The following ATPAF1 variants were observed in gnomAD, a reference collection of about 807,000 sequenced individuals.
ATPAF1 encodes homolog of yeast ATP11.
A neutral mutation model predicts 43.9 loss-of-function variants in ATPAF1; 26 were observed. The ratio of observed to expected loss-of-function variants is 0.59; its 90% CI spans 0.43 to 0.82. ATPAF1 has a LOEUF of 0.82. ATPAF1 is among the 40% of genes least tolerant of loss of function. The probability of loss-of-function intolerance (pLI) is 0.00; values close to 1 mark genes in which losing one functional copy is unlikely to be tolerated. For synonymous variants in ATPAF1, 157 were observed against 168.0 expected, an observed-to-expected ratio of 0.93 and a Z score of 0.50; for missense variants, 366 against 435.0, an observed-to-expected ratio of 0.84 and a Z score of 1.41.
chr1:46,636,474 C>T (rs1430550867), intron 8 of ATPAF1, among the ~76,000 whole-genome samples: 4 of 152,294 alleles, frequency 2.6e-5, no homozygotes, highest in African/African-American at 9.6e-5. Flanking sequence ...TGTTATGATA[C>T]TACCTTGGTC....
intron 8 of ATPAF1, among the ~76,000 whole-genome samples, chr1:46,642,732 G>A (rs1675971828): frequency 6.6e-6 from 1 of 152,150 alleles, no homozygotes; most frequent in African/African-American, 2.4e-5. Flanking sequence ...GGCCTGATGT[G>A]TCTTAGATTC....
At chr1:46,650,857 T>C (rs1173526947) in intron 6 of ATPAF1, among the ~76,000 whole-genome samples, 1 of 145,322 alleles carries the variant, frequency 6.9e-6, no homozygotes, top group Non-Finnish European at 1.5e-5. Context: ...AGTAGGAGAG[T>C]GGTTACTAGA....
chr1:46,662,585 C>T (rs1321745955), intron 2 of ATPAF1, among the ~76,000 whole-genome samples: 2 of 152,000 alleles, frequency 1.3e-5, no homozygotes, highest in Non-Finnish European at 2.9e-5. Context: ...TGCTACCACA[C>T]CCAGCTAAGT....
intron 2 of ATPAF1, among the ~76,000 whole-genome samples, chr1:46,663,600 C>T (rs1304491066): frequency 6.6e-6 from 1 of 151,036 alleles, no homozygotes; most frequent in Non-Finnish European, 1.5e-5. Context: ...AGTGTCTGTT[C>T]GTATCCTTTG....
chr1:46,668,306 AC>A lies in ATPAF1; in HGVS notation c.16del (p.Val6TrpfsTer129), dbSNP rs1157082883. 3 of 1,377,906 alleles carry A rather than the reference AC, an allele frequency of 2.2e-6. No individual in the cohort carries two copies. The highest frequency in any genetic ancestry group is 3.0e-5 in the African/African-American group (2 of 65,904). The allele number at this position is 1,377,906 out of a possible 1,614,324, so 85.4% of individuals were successfully genotyped here. ...CGGTCCCGCGCCACCCGCAGCCGCC[AC>A]CACCACAGCAGCCATGGCCGCCCCC... On this transcript the variant is annotated frameshift_variant, in exon 1 of 9. Transcript: ENST00000574428. LOFTEE classifies it high-confidence loss of function. This position sits in a 1 kb window ranked among gnomAD's most constrained non-coding sequence, Gnocchi z 4.4.
At chr1:46,647,780 A>C (rs891243054) in intron 6 of ATPAF1, among the ~76,000 whole-genome samples, 1 of 152,240 alleles carries the variant, frequency 6.6e-6, no homozygotes, top group Admixed American at 6.5e-5. Flanking sequence ...GACCGGCAGT[A>C]TAGGAGAGTT....
chr1:46,645,250 A>G (rs1676020927), exon 7 of ATPAF1: 1 of 1,612,344 alleles, frequency 6.2e-7, no homozygotes, highest in Non-Finnish European at 8.5e-7. Flanking sequence ...GGCAGAGCAC[A>G]TAGAAACTGT....
intron 6 of ATPAF1, among the ~76,000 whole-genome samples, chr1:46,651,146 C>T (rs1569614622): frequency 6.6e-6 from 1 of 152,054 alleles, no homozygotes. Flanking sequence ...CTATCCCTCC[C>T]CACTCCCCCC....
chr1:46,636,173 T>C (rs1476781250), intron 8 of ATPAF1: 1 of 657,162 alleles, frequency 1.5e-6, no homozygotes, highest in East Asian at 2.7e-5. Flanking sequence ...ATAGTATTTA[T>C]CACACTGTAT....
intron 4 of ATPAF1, among the ~76,000 whole-genome samples, chr1:46,656,874 G>A (rs996080800): frequency 6.6e-6 from 1 of 152,210 alleles, no homozygotes; most frequent in African/African-American, 2.4e-5. Flanking sequence ...GTTTTGCGGA[G>A]GCTAAAACTC....
chr1:46,665,743 A>G (rs1400883817), intron 1 of ATPAF1: 7 of 1,523,468 alleles, frequency 4.6e-6, no homozygotes, highest in Non-Finnish European at 6.1e-6. Context: ...TTTTACTTGA[A>G]TACATCCAGT....
exon 9 of ATPAF1, chr1:46,635,693 G>C: frequency 7.4e-7 from 1 of 1,357,514 alleles, no homozygotes; most frequent in Non-Finnish European, 1.0e-6. Flanking sequence ...TATAAATGCT[G>C]AGCTCTTGAG....
chr1:46,650,520 G>GAT (rs1180195152), intron 6 of ATPAF1, among the ~76,000 whole-genome samples: 1 of 152,064 alleles, frequency 6.6e-6, no homozygotes, highest in Non-Finnish European at 1.5e-5. Flanking sequence ...CCCACTACTG[G>GAT]ATATATATCC....
rs148411950 is a variant in ATPAF1 at position 46,653,859 on chromosome 1, C to T, written c.498G>A (p.Gln166=). ...CTGTATCTTTTGCTGCAAAATATTG[C>T]TGCCAAATCTGTACAAAAAAGAGAG... is the stretch of plus-strand genomic sequence containing the variant. The change falls in exon 5 of 9, where the codon CAG becomes CAA. Residue 166 remains glutamine (Q), a synonymous_variant. Transcript: ENST00000574428. This position sits in a 1 kb window ranked among gnomAD's most constrained non-coding sequence, Gnocchi z 4.8. 4 of 1,610,814 alleles carry T rather than the reference C, an allele frequency of 2.5e-6. No individual in the cohort carries two copies. In the African/African-American group the frequency reaches 4.0e-5, roughly 16 times the overall value.
intron 8 of ATPAF1, among the ~76,000 whole-genome samples, chr1:46,637,019 C>T (rs1675853510): frequency 6.6e-6 from 1 of 152,182 alleles, no homozygotes; most frequent in Non-Finnish European, 1.5e-5. Flanking sequence ...GACCCTGAGC[C>T]AGAACCACTC....
Position 46,636,127 on chromosome 1 carries a change from C to G in ATPAF1, c.793-157G>C, listed in dbSNP as rs1057020581. The G allele has an allele frequency of 3.9e-5, 29 of 750,138 alleles. No individual in the cohort carries two copies. The Admixed American group carries it at 5.1e-4, about 13-fold the overall frequency. The allele number at this position is 750,138 out of a possible 1,614,324, so 46.5% of individuals were successfully genotyped here. A position where few individuals can be genotyped will look rare whatever the true frequency, so the allele number is the denominator to read the frequency against. ...CCCTAGTCTTGGTTAGGTGCCCCTT[C>G]TCTGTGTACCAAATCATCCTGTGCT... On this transcript the variant is annotated intron_variant, in intron 8 of 8. Coordinates refer to ENST00000574428, the Ensembl canonical transcript of ATPAF1.
In ATPAF1 at chr1:46,645,271, T is replaced by C. The variant is rs1295584212; in HGVS notation, c.589-15A>G. The C allele has an allele frequency of 1.3e-6, 2 of 1,571,480 alleles. No homozygotes were observed. The highest frequency in any genetic ancestry group is 1.8e-6 in the Non-Finnish European group (2 of 1,141,754). ...GCACATAGAAACTGTGAAAAACAGA[T>C]ATACAAGGAGACAGATGAATAAATG... On this transcript the variant is annotated splice_polypyrimidine_tract_variant and intron_variant, in intron 6 of 8. Coordinates refer to ENST00000574428, the Ensembl canonical transcript of ATPAF1.
rs1267529339 is a variant in ATPAF1, at chr1:46,668,105, G to T, written c.218C>A (p.Ala73Asp). 1.4e-6 allele frequency: 2 copies of T among 1,449,462 alleles called. No individual in the cohort carries two copies. The highest frequency in any genetic ancestry group is 9.1e-7 in the Non-Finnish European group (1 of 1,098,868). The allele number at this position is 1,449,462 out of a possible 1,614,324, so 89.8% of individuals were successfully genotyped here. A position where few individuals can be genotyped will look rare whatever the true frequency, so the allele number is the denominator to read the frequency against. Residue 73 changes from alanine to aspartate, a missense_variant, in exon 1 of 9, where the codon GCC (alanine) becomes GAC (aspartate). By Grantham distance (126) the Ala-to-Asp change is moderately radical. Coordinates refer to ENST00000574428, the Ensembl canonical transcript of ATPAF1. The surrounding 1 kb of genome is among the most constrained non-coding windows in gnomAD (Gnocchi z 4.4). Reference sequence around the variant, plus strand: ...GCGGTAGCGGTCGTAGAAAGGGTTGGCCTGGAGCTCGGCCTCGGCCCCGAC... The same window carrying T: ...GCGGTAGCGGTCGTAGAAAGGGTTGTCCTGGAGCTCGGCCTCGGCCCCGAC...
intron 8 of ATPAF1, among the ~76,000 whole-genome samples, chr1:46,642,787 A>G (rs1403631257): frequency 6.6e-6 from 1 of 152,016 alleles, no homozygotes; most frequent in Admixed American, 6.5e-5. Flanking sequence ...GATACTATAT[A>G]ACTATATTAT....
Sources: allele counts gnomAD v4.1 joint callset (sites outside exome capture counted in the v4.1 genomes callset), GRCh38; gene constraint gnomAD v4.1.1; non-coding constraint Gnocchi (gnomAD v3.1); transcripts MANE v1.5; gene names NCBI Gene and HGNC (gene_info 2026-07-23, HGNC 2026-07-21).